The following PSD2 variants were observed in gnomAD, a reference collection of about 807,000 sequenced individuals.
The protein encoded by PSD2 is PH and SEC7 domain-containing protein 2.
In PSD2, 38 loss-of-function variants were observed where a neutral mutation model predicts 69.8. The observed-to-expected ratio is 0.54, with a 90% CI of 0.42 to 0.71. The LOEUF (loss-of-function observed/expected upper bound fraction) is 0.71, where lower values mean the gene tolerates loss of function less well. PSD2 is among the 30% of genes least tolerant of loss of function. PSD2 has a pLI of 0.00. For missense variants in PSD2, 943 were observed against 1,014.5 expected (o/e 0.93, Z 0.96); for synonymous variants, 412 against 423.0 (o/e 0.97, Z 0.32).
chr5:139,804,948 TGTGCGTGTGTATGTGTGCGTGTGTGC>T (rs1408667563), intron 1 of PSD2, among the ~76,000 whole-genome samples: 1 of 151,174 alleles, frequency 6.6e-6, no homozygotes, highest in Admixed American at 6.6e-5. Context: ...TGTCTGCACG[TGTGCGTGTGTATGTGTGCGTGTGTGC>T]GTGCGTGTGT....
At chr5:139,753,361 GC>G in the PSD2 span, among the ~76,000 whole-genome samples, 9 of 152,298 alleles carry the variant, frequency 5.9e-5, no homozygotes, top group South Asian at 1.2e-3. Context: ...GCCCCTCCAT[GC>G]TTTTGGGTAA....
chr5:139,747,786 A>G, the PSD2 span, among the ~76,000 whole-genome samples: 1 of 152,142 alleles, frequency 6.6e-6, no homozygotes, highest in African/African-American at 2.4e-5. The surrounding 1 kb of genome is among the most constrained non-coding windows in gnomAD (Gnocchi z 6.7). Context: ...CGGGCCCCCC[A>G]GCCAGCGCGG....
chr5:139,817,259 C>T (rs541467440), intron 4 of PSD2, among the ~76,000 whole-genome samples: 17 of 152,264 alleles, frequency 1.1e-4, no homozygotes, highest in African/African-American at 1.9e-4. Flanking sequence ...CTGGTTAGCT[C>T]GTAATTCCCT....
chr5:139,815,995 T>TAAAAAAA (rs768724760), intron 4 of PSD2, among the ~76,000 whole-genome samples: 5 of 92,738 alleles, frequency 5.4e-5, no homozygotes, highest in Admixed American at 1.2e-4. Flanking sequence ...CTCCATATAT[T>TAAAAAAA]AAAAAAAAAA....
At chr5:139,796,521 A>T (rs1400623022) in intron 1 of PSD2, among the ~76,000 whole-genome samples, 1 of 152,130 alleles carries the variant, frequency 6.6e-6, no homozygotes, top group African/African-American at 2.4e-5. Context: ...CTGCAGCTAG[A>T]GCGGGGGCTC....
At chr5:139,759,827 C>T in the PSD2 span, among the ~76,000 whole-genome samples, 1 of 152,246 alleles carries the variant, frequency 6.6e-6, no homozygotes, top group Non-Finnish European at 1.5e-5. Context: ...TGGGCACAGA[C>T]CCCTCTCTGG....
intron 9 of PSD2, 43 bp from the exon 10 acceptor site, chr5:139,836,768 G>C (rs771952845): frequency 6.3e-7 from 1 of 1,577,406 alleles, no homozygotes; most frequent in Non-Finnish European, 8.7e-7. Flanking sequence ...ATGCGGGGCC[G>C]AGGCCTCCCT....
the PSD2 span, among the ~76,000 whole-genome samples, chr5:139,777,838 G>A: frequency 1.3e-5 from 2 of 152,086 alleles, no homozygotes; most frequent in Admixed American, 1.3e-4. Flanking sequence ...AGCCATGATA[G>A]CCCCACTGTA....
chr5:139,772,356 G>T, the PSD2 span, among the ~76,000 whole-genome samples: 1 of 152,096 alleles, frequency 6.6e-6, no homozygotes, highest in African/African-American at 2.4e-5. Flanking sequence ...TCTCCGAGCC[G>T]ATCTGTAAAA....
At chr5:139,828,610 AC>A (rs1441483536) in intron 7 of PSD2, among the ~76,000 whole-genome samples, 1 of 152,052 alleles carries the variant, frequency 6.6e-6, no homozygotes, top group Admixed American at 6.5e-5. Flanking sequence ...CTGCCATAGG[AC>A]CTTTGATCAG....
At chr5:139,789,997 GC>G in the PSD2 span, among the ~76,000 whole-genome samples, 1 of 152,076 alleles carries the variant, frequency 6.6e-6, no homozygotes, top group Non-Finnish European at 1.5e-5. Flanking sequence ...ACGGGGCCGG[GC>G]GGGCGCTGAG....
At chr5:139,769,242 A>C in the PSD2 span, among the ~76,000 whole-genome samples, 5 of 152,130 alleles carry the variant, frequency 3.3e-5, no homozygotes, top group Non-Finnish European at 7.4e-5. Context: ...ACCCAGGGCA[A>C]GCAGGGCTAC....
At chr5:139,766,120 G>A in the PSD2 span, among the ~76,000 whole-genome samples, 1 of 152,168 alleles carries the variant, frequency 6.6e-6, no homozygotes, top group Non-Finnish European at 1.5e-5. Context: ...GAGAGGGACC[G>A]CGGAGCAGAA....
chr5:139,836,386 T>G (rs1760718044), intron 9 of PSD2, among the ~76,000 whole-genome samples: 1 of 152,130 alleles, frequency 6.6e-6, no homozygotes. Flanking sequence ...AGGGCTCTCA[T>G]GGGGGCCCAG....
At chr5:139,822,672 G>A in intron 6 of PSD2, 54 bp from the exon 7 acceptor site, 1 of 1,504,116 alleles carries the variant, frequency 6.6e-7, no homozygotes, top group East Asian at 2.4e-5. Flanking sequence ...CAGGAGACAG[G>A]GAGTGGGAAG....
the PSD2 span, among the ~76,000 whole-genome samples, chr5:139,765,362 AG>A: frequency 6.6e-6 from 1 of 151,858 alleles, no homozygotes; most frequent in African/African-American, 2.4e-5. Context: ...AATAGCCCCC[AG>A]GGACCACCCA....
At chr5:139,790,002 C>T in the PSD2 span, among the ~76,000 whole-genome samples, 1,565 of 151,750 alleles carry the variant, frequency 0.01, 13 homozygotes, top group Admixed American at 0.022. Flanking sequence ...GCCGGGCGGG[C>T]GCTGAGGTGG....
At chr5:139,755,875 A>G in the PSD2 span, among the ~76,000 whole-genome samples, 1 of 152,192 alleles carries the variant, frequency 6.6e-6, no homozygotes, top group Admixed American at 6.5e-5. Flanking sequence ...AGGGGGCTCC[A>G]ACAAATCTCA....
intron 5 of PSD2, among the ~76,000 whole-genome samples, chr5:139,818,044 G>A (rs1760165684): frequency 6.6e-6 from 1 of 152,140 alleles, no homozygotes; most frequent in Non-Finnish European, 1.5e-5. Context: ...GACCTCAGGA[G>A]GGCCAATTGC....
Sources: gnomAD v4.1 joint callset for allele counts (sites outside exome capture counted in the v4.1 genomes callset) on GRCh38, gnomAD v4.1.1 for gene constraint, Gnocchi (gnomAD v3.1) non-coding constraint, MANE v1.5 for transcripts, NCBI Gene and HGNC (gene_info 2026-07-23, HGNC 2026-07-21) for gene names.